The following FAM135A variants were observed in gnomAD, a reference collection of about 807,000 sequenced individuals.
FAM135A encodes family with sequence similarity 135 member A.
Under a neutral mutation model 146.8 loss-of-function variants are expected in FAM135A, and 79 were observed. The ratio of observed to expected loss-of-function variants is 0.54; its 90% CI spans 0.45 to 0.65. FAM135A has a LOEUF of 0.65. Among genes scored for constraint, FAM135A ranks in the 30% least tolerant of loss-of-function variants. The pLI is 0.00. For synonymous variants in FAM135A, 562 were observed against 603.6 expected, an observed-to-expected ratio of 0.93 and a Z score of 1.01; for missense variants, 1,623 against 1,758.2, an observed-to-expected ratio of 0.92 and a Z score of 1.38.
At chr6:70,515,477 A>G (rs1273199631) in intron 12 of FAM135A, among the ~76,000 whole-genome samples, 2 of 152,224 alleles carry the variant, frequency 1.3e-5, no homozygotes, top group Non-Finnish European at 2.9e-5. Flanking sequence ...ACTTGAAAGC[A>G]TATTGCAGGC....
intron 20 of FAM135A, among the ~76,000 whole-genome samples, chr6:70,555,595 A>G (rs1800687228): frequency 6.6e-6 from 1 of 152,272 alleles, no homozygotes; most frequent in South Asian, 2.1e-4. Context: ...TATCTACACC[A>G]TAGAGAGTCT....
rs770834956 is a variant in FAM135A at position 70,528,400 on chromosome 6, G to A, written c.3723G>A (p.Glu1241=). 1.6e-5 allele frequency: 26 copies of A among 1,613,406 alleles called. No homozygotes were observed. Among genetic ancestry groups the A allele is most frequent in the African/African-American group, 2.7e-5 (2 of 74,890 alleles). ...TACCTTATTTTAGTGTAGAAGAAGA[G>A]GATGGTTCTGAAGATGGAGTACATC... The part of the protein sequence containing the change: ...SSVPYFSVEE[E]DGSEDGVHLI... Residue 1241 remains glutamate (E), a synonymous_variant, in exon 16 of 22, where the codon GAG becomes GAA. Coordinates refer to ENST00000418814, the MANE Select transcript of FAM135A (RefSeq NM_001162529.3).
chr6:70,452,563 A>C lies in FAM135A; in HGVS notation c.149A>C (p.His50Pro). 1.3e-6 allele frequency: 2 copies of C among 1,582,810 alleles called. No homozygotes were observed. The highest frequency in any genetic ancestry group is 1.7e-6 in the Non-Finnish European group (2 of 1,170,464). The change falls in exon 5 of 22, where the codon CAT becomes CCT. Residue 50 changes from histidine (H) to proline (P), a missense_variant. His to Pro is a moderately conservative substitution (Grantham distance 77). Around this residue, in one of 7 missense-constraint regions of FAM135A, gnomAD observed 171 missense variants for 164.9 expected, o/e 1.04. Coordinates refer to ENST00000418814, the MANE Select transcript of FAM135A (RefSeq NM_001162529.3). ...CACAGAGTAGAAGCTAGTTTGTTGC[A>C]TGCAACAGGTAAGCCAAAGAATACA... ...IPHRVEASLL[H>P]ATGMTLAFPA...
At chr6:70,417,477 T>C (rs1281952012) in intron 2 of FAM135A, 1 of 422,416 alleles carries the variant, frequency 2.4e-6, no homozygotes, top group Non-Finnish European at 3.2e-6. Flanking sequence ...CCACCCAAAG[T>C]GCTGGGATTA....
intron 13 of FAM135A, among the ~76,000 whole-genome samples, chr6:70,523,142 A>AG (rs60667640): frequency 0.27 from 40,763 of 151,970 alleles, 7,014 homozygotes; most frequent in African/African-American, 0.49. Flanking sequence ...ATGAAGTTAT[A>AG]AACAAGCAAA....
At chr6:70,497,346 T>C (rs1787516934) in intron 11 of FAM135A, among the ~76,000 whole-genome samples, 1 of 152,230 alleles carries the variant, frequency 6.6e-6, no homozygotes, top group African/African-American at 2.4e-5. Context: ...ACATTGAGTT[T>C]GTATCCTGAG....
intron 10 of FAM135A, chr6:70,486,137 A>G (rs1189719887): frequency 1.2e-6 from 2 of 1,600,486 alleles, no homozygotes; most frequent in Admixed American, 3.4e-5. Context: ...GAGTATAGTA[A>G]CTAGTGCTGT....
Position 70,538,420 on chromosome 6 carries a change from T to C in FAM135A, c.4228+19T>C. On this transcript the variant is annotated intron_variant, in intron 20 of 21. Transcript: ENST00000418814. ...AAAGCAGGTAAGTATATAATAACAGTTTGGAAAATATACATGTGAAAACTT... is the reference window on the plus strand; with the variant it reads ...AAAGCAGGTAAGTATATAATAACAGCTTGGAAAATATACATGTGAAAACTT... The C allele has an allele frequency of 7.4e-7, 1 of 1,353,482 alleles. No individual in the cohort carries two copies. Among genetic ancestry groups the C allele is most frequent in the Middle Eastern group, 2.0e-4 (1 of 5,096 alleles). The allele number at this position is 1,353,482 out of a possible 1,614,324, so 83.8% of individuals were successfully genotyped here.
At chr6:70,541,129 C>G (rs900284511) in intron 20 of FAM135A, among the ~76,000 whole-genome samples, 2 of 152,212 alleles carry the variant, frequency 1.3e-5, no homozygotes, top group Non-Finnish European at 2.9e-5. Context: ...TCATCAGTAT[C>G]TTTAAACTCT....
At chr6:70,540,553 C>T (rs1297322144) in intron 20 of FAM135A, among the ~76,000 whole-genome samples, 4 of 152,124 alleles carry the variant, frequency 2.6e-5, no homozygotes, top group African/African-American at 4.8e-5. Flanking sequence ...TCTCGATCTC[C>T]TGACCTTGTG....
chr6:70,533,084 CTG>C, intron 16 of FAM135A, 74 bp from the exon 17 acceptor site: 2 of 1,183,456 alleles, frequency 1.7e-6, no homozygotes, highest in South Asian at 2.6e-5. Flanking sequence ...TCTCTAAAAA[CTG>C]TAAAAATATG....
intron 10 of FAM135A, among the ~76,000 whole-genome samples, chr6:70,486,586 TCA>T (rs1562504456): frequency 1.3e-5 from 2 of 152,192 alleles, no homozygotes; most frequent in African/African-American, 4.8e-5. Context: ...TTAAATTTGC[TCA>T]GTTATTTTAT....
chr6:70,426,003 T>C (rs996357901), intron 2 of FAM135A, among the ~76,000 whole-genome samples: 3 of 151,602 alleles, frequency 2.0e-5, no homozygotes, highest in Non-Finnish European at 4.4e-5. Context: ...CTCGGGAGGC[T>C]GAGGCAGGAG....
chr6:70,520,848 T>C (rs749543056), intron 12 of FAM135A, among the ~76,000 whole-genome samples: 1 of 152,236 alleles, frequency 6.6e-6, no homozygotes, highest in Non-Finnish European at 1.5e-5. Context: ...ATGATAATTA[T>C]GCTGAGAGTG....
rs749224479 is a variant in FAM135A at position 70,526,750 on chromosome 6, TACAC to T, written c.3614+64_3614+67del. 1.4e-3 allele frequency: 1,214 copies of T among 851,464 alleles called. 14 individuals carry two copies. In the African/African-American group the frequency reaches 0.019, roughly 13 times the overall value. The allele number at this position is 851,464 out of a possible 1,614,324, so 52.7% of individuals were successfully genotyped here. A position where few individuals can be genotyped will look rare whatever the true frequency, so the allele number is the denominator to read the frequency against. On this transcript the variant is annotated intron_variant, in intron 15 of 21. Coordinates refer to ENST00000418814, the MANE Select transcript of FAM135A (RefSeq NM_001162529.3). ...GCTGCTAAATATATACATATATATA[TACAC>T]ACACACACACATACACACACACACA...
chr6:70,473,788 C>G (rs1782073167), intron 5 of FAM135A, among the ~76,000 whole-genome samples: 1 of 152,062 alleles, frequency 6.6e-6, no homozygotes, highest in South Asian at 2.1e-4. Flanking sequence ...AGTAGTGTGT[C>G]AAGCTGCTGC....
intron 20 of FAM135A, 65 bp downstream of exon 20, chr6:70,538,466 C>T: frequency 2.3e-6 from 2 of 886,126 alleles, no homozygotes; most frequent in South Asian, 4.3e-5. Flanking sequence ...AAACATTTAG[C>T]AAATAAATTA....
chr6:70,435,575 A>G (rs1459393750), intron 4 of FAM135A, among the ~76,000 whole-genome samples: 2 of 151,648 alleles, frequency 1.3e-5, no homozygotes, highest in African/African-American at 4.8e-5. Flanking sequence ...GCTGGAGCGT[A>G]GTGATGCAAT....
At chr6:70,482,974 A>G (rs1784010923) in intron 10 of FAM135A, among the ~76,000 whole-genome samples, 4 of 152,118 alleles carry the variant, frequency 2.6e-5, no homozygotes, top group Admixed American at 2.6e-4. Context: ...AATTTATTGA[A>G]TCTGTATTCT....
Sources: gnomAD v4.1 joint callset for allele counts (sites outside exome capture counted in the v4.1 genomes callset) on GRCh38, gnomAD v4.1.1 for gene constraint, gnomAD v4.1.1 regional missense constraint, MANE v1.5 for transcripts, NCBI Gene and HGNC (gene_info 2026-07-23, HGNC 2026-07-21) for gene names.